NPY2R: variants seen among roughly 807,000 people sequenced by gnomAD.
NPY2R encodes neuropeptide Y receptor type 2.
In NPY2R, 17 loss-of-function variants were observed where a neutral mutation model predicts 22.3. The observed-to-expected ratio is 0.76, with a 90% CI of 0.52 to 1.14. NPY2R has a LOEUF of 1.14. Ranked by LOEUF, NPY2R falls within the 50% of genes most tolerant of loss-of-function variation. The pLI is 0.00. For missense variants in NPY2R, 424 were observed against 467.9 expected (o/e 0.91, Z 0.87); for synonymous variants, 209 against 183.4 (o/e 1.14, Z -1.13).
the NPY2R span, chr4:155,174,195 C>A: frequency 6.6e-6 from 1 of 151,794 alleles, no homozygotes; most frequent in Non-Finnish European, 1.5e-5. Context: ...TAGTGAATTT[C>A]TGACTGCAAT....
chr4:155,189,716 T>C, the NPY2R span, among the ~76,000 whole-genome samples: 1 of 151,946 alleles, frequency 6.6e-6, no homozygotes, highest in Non-Finnish European at 1.5e-5. Context: ...TAAAATGCCA[T>C]ACATACCATC....
At chr4:155,204,313 C>T (rs1729242899), upstream of NPY2R, among the ~76,000 whole-genome samples, 1 of 152,136 alleles carries the variant, frequency 6.6e-6, no homozygotes, top group African/African-American at 2.4e-5. Context: ...TTTAGTTTCC[C>T]CACTTCAATC....
the NPY2R span, among the ~76,000 whole-genome samples, chr4:155,189,030 GC>G: frequency 6.6e-6 from 1 of 152,036 alleles, no homozygotes; most frequent in Admixed American, 6.6e-5. Flanking sequence ...GACCTGCAGA[GC>G]TTTTTTAAAG....
At chr4:155,174,484 A>ATATATATATATATTTTTT in the NPY2R span, among the ~76,000 whole-genome samples, 3 of 106,070 alleles carry the variant, frequency 2.8e-5, no homozygotes, top group African/African-American at 1.4e-4. Context: ...ATATATATAT[A>ATATATATATATATTTTTT]TTTTTTTTTT....
chr4:155,187,755 G>A, the NPY2R span, among the ~76,000 whole-genome samples: 38 of 152,182 alleles, frequency 2.5e-4, no homozygotes, highest in African/African-American at 8.2e-4. Context: ...AAATGGTAAG[G>A]TGAGTTCAGA....
upstream of NPY2R, chr4:155,207,572 T>C (rs953071930): frequency 5.9e-5 from 9 of 152,306 alleles, no homozygotes; most frequent in African/African-American, 2.2e-4. Context: ...TGCAAACTTT[T>C]AGAAGGAATG....
chr4:155,177,746 T>C, the NPY2R span, among the ~76,000 whole-genome samples: 54,555 of 151,794 alleles, frequency 0.36, 10,098 homozygotes, highest in East Asian at 0.52. Flanking sequence ...TTGTGCACCC[T>C]ACACACCCAT....
chr4:155,182,469 G>A, the NPY2R span, among the ~76,000 whole-genome samples: 4 of 152,100 alleles, frequency 2.6e-5, no homozygotes, highest in Non-Finnish European at 5.9e-5. Flanking sequence ...CCCAGAGAAA[G>A]AGAAGTTTTG....
the NPY2R span, among the ~76,000 whole-genome samples, chr4:155,196,346 G>GTTTACC: frequency 6.6e-6 from 1 of 151,932 alleles, no homozygotes; most frequent in East Asian, 1.9e-4. Context: ...AATTCACATA[G>GTTTACC]TTTACCTTTT....
At chr4:155,181,183 A>G in the NPY2R span, among the ~76,000 whole-genome samples, 1 of 152,026 alleles carries the variant, frequency 6.6e-6, no homozygotes, top group Non-Finnish European at 1.5e-5. Context: ...TTCAAAAGTT[A>G]CACAGCACGT....
chr4:155,190,071 A>G, the NPY2R span, among the ~76,000 whole-genome samples: 1 of 152,074 alleles, frequency 6.6e-6, no homozygotes, highest in Non-Finnish European at 1.5e-5. Flanking sequence ...GAGAAAATGC[A>G]GCTCAGGCCC....
the NPY2R span, among the ~76,000 whole-genome samples, chr4:155,198,614 T>TAATATATTATATATAATATA: frequency 2.7e-5 from 4 of 147,570 alleles, no homozygotes; most frequent in Non-Finnish European, 4.5e-5. Flanking sequence ...TTGATATATA[T>TAATATATTATATATAATATA]TTTTTTTCTG....
the NPY2R span, among the ~76,000 whole-genome samples, chr4:155,183,293 C>T: frequency 0.021 from 3,244 of 152,290 alleles, 127 homozygotes; most frequent in African/African-American, 0.073. Flanking sequence ...GCCTCCATTT[C>T]AGTGCACATT....
At chr4:155,198,836 T>C in the NPY2R span, among the ~76,000 whole-genome samples, 1 of 151,800 alleles carries the variant, frequency 6.6e-6, no homozygotes, top group East Asian at 1.9e-4. Context: ...AGGCCATGTG[T>C]AGAGTACAGG....
chr4:155,193,362 C>T, the NPY2R span, among the ~76,000 whole-genome samples: 1 of 151,860 alleles, frequency 6.6e-6, no homozygotes, highest in Admixed American at 6.6e-5. Context: ...GCTAAGTCCC[C>T]AGCCCATTTA....
At chr4:155,194,916 A>G in the NPY2R span, among the ~76,000 whole-genome samples, 1 of 152,032 alleles carries the variant, frequency 6.6e-6, no homozygotes, top group East Asian at 1.9e-4. Flanking sequence ...TGACTTTTTC[A>G]TAATAGCCAT....
At chr4:155,178,815 T>C in the NPY2R span, among the ~76,000 whole-genome samples, 54 of 152,338 alleles carry the variant, frequency 3.5e-4, no homozygotes, top group African/African-American at 1.3e-3. Flanking sequence ...TTCATTAAAT[T>C]TGGAAACCCT....
chr4:155,195,780 A>C, the NPY2R span, among the ~76,000 whole-genome samples: 1 of 151,988 alleles, frequency 6.6e-6, no homozygotes, highest in African/African-American at 2.4e-5. Flanking sequence ...ACCAAGAGCA[A>C]GATGAATGAA....
the NPY2R span, among the ~76,000 whole-genome samples, chr4:155,189,664 T>C: frequency 3.0e-4 from 45 of 152,038 alleles, no homozygotes; most frequent in African/African-American, 7.9e-4. Flanking sequence ...CAATATAATA[T>C]AAAATGAATA....
Sources: gnomAD v4.1 joint callset for allele counts (sites outside exome capture counted in the v4.1 genomes callset) on GRCh38, gnomAD v4.1.1 for gene constraint, MANE v1.5 for transcripts, NCBI Gene and HGNC (gene_info 2026-07-23, HGNC 2026-07-21) for gene names.